SORCS3: variants seen among roughly 807,000 people sequenced by gnomAD.
The protein encoded by SORCS3 is sortilin related VPS10 domain containing receptor 3, also known as VPS10 domain-containing receptor SorCS3.
SORCS3 carries 57 observed loss-of-function variants against 146.3 expected under a neutral mutation model. The ratio of observed to expected loss-of-function variants is 0.39; its 90% CI spans 0.31 to 0.49. The LOEUF (loss-of-function observed/expected upper bound fraction) is 0.49, where lower values mean the gene tolerates loss of function less well. Ranked by LOEUF, SORCS3 falls within the 20% of genes least tolerant of loss-of-function variation. The pLI, the probability that SORCS3 is intolerant of heterozygous loss-of-function variation, is 0.92. For missense variants in SORCS3, 1,341 were observed against 1,575.5 expected, an observed-to-expected ratio of 0.85 and a Z score of 2.52; for synonymous variants, 653 against 618.5, an observed-to-expected ratio of 1.06 and a Z score of -0.83.
In SORCS3 at chr10:104,972,715, G is replaced by T. The variant is rs2054868200; in HGVS notation, c.796-4620G>T. ...CAGAAGACCACAAAAAATGTTCCCG[G>T]AACTTCCAACACTATGTTGAATAGG... On this transcript the variant is annotated intron_variant, in intron 3 of 26. Coordinates refer to ENST00000369701, the MANE Select transcript of SORCS3 (RefSeq NM_014978.3). 2.0e-5 allele frequency among the ~76,000 whole-genome samples: 3 copies of T among 152,150 alleles called. No homozygotes were observed. In the South Asian group the frequency reaches 6.2e-4, roughly 32 times the overall value.
At chr10:105,176,880 C>T (rs1324422389) in intron 13 of SORCS3, among the ~76,000 whole-genome samples, 2 of 151,020 alleles carry the variant, frequency 1.3e-5, no homozygotes. Flanking sequence ...AAAAACCCTT[C>T]ACAGTGTGGT....
At chr10:105,233,079 A>T (rs1314426776) in intron 20 of SORCS3, among the ~76,000 whole-genome samples, 1 of 151,538 alleles carries the variant, frequency 6.6e-6, no homozygotes, top group Non-Finnish European at 1.5e-5. Context: ...GTCCTTATTG[A>T]TTTTATTTCT....
chr10:104,788,348 G>A lies in SORCS3; in HGVS notation c.628-54444G>A, dbSNP rs12359726. ...ATAGAATGGAATACTATGCAGCTGT[G>A]AAGAGGAATGCAAAAGATTTATTTC... On this transcript the variant is annotated intron_variant, in intron 1 of 26. Coordinates refer to ENST00000369701, the MANE Select transcript of SORCS3 (RefSeq NM_014978.3). 9.6e-3 allele frequency among the ~76,000 whole-genome samples: 1,467 copies of A among 152,318 alleles called. 7 individuals are homozygous for A. The highest frequency in any genetic ancestry group is 0.02 in the South Asian group (94 of 4,818).
chr10:105,118,939 G>T (rs2055911849), intron 7 of SORCS3, among the ~76,000 whole-genome samples: 1 of 152,208 alleles, frequency 6.6e-6, no homozygotes, highest in Non-Finnish European at 1.5e-5. Context: ...AGAAATTCAA[G>T]CCAGCTGCAT....
intron 20 of SORCS3, among the ~76,000 whole-genome samples, chr10:105,234,067 T>G (rs2056779471): frequency 6.6e-6 from 1 of 152,188 alleles, no homozygotes. Flanking sequence ...ACAGATCTAC[T>G]GACAAGTTTC....
At chr10:105,143,378 C>G (rs1028551450) in intron 8 of SORCS3, among the ~76,000 whole-genome samples, 5 of 152,028 alleles carry the variant, frequency 3.3e-5, no homozygotes, top group African/African-American at 1.2e-4. Flanking sequence ...AGTGGTGACT[C>G]CTATATCTAC....
At chr10:105,232,972 G>A (rs2056773466) in intron 20 of SORCS3, among the ~76,000 whole-genome samples, 1 of 151,850 alleles carries the variant, frequency 6.6e-6, no homozygotes, top group Non-Finnish European at 1.5e-5. Context: ...GTTCTATTTG[G>A]GCTTTAGAAG....
chr10:105,079,818 T>TCTGTTGTTG (rs1165577045), intron 5 of SORCS3, among the ~76,000 whole-genome samples: 1 of 152,218 alleles, frequency 6.6e-6, no homozygotes, highest in African/African-American at 2.4e-5. Flanking sequence ...CATTTGTTTT[T>TCTGTTGTTG]CTGTTGTTGC....
intron 2 of SORCS3, among the ~76,000 whole-genome samples, chr10:104,871,229 A>G (rs1030137522): frequency 6.6e-5 from 10 of 152,220 alleles, no homozygotes; most frequent in African/African-American, 2.4e-4. Context: ...TTTTACAGAC[A>G]AAGAAACCAA....
intron 1 of SORCS3, among the ~76,000 whole-genome samples, chr10:104,832,637 GA>G (rs1325965813): frequency 3.3e-5 from 5 of 152,186 alleles, no homozygotes; most frequent in Non-Finnish European, 5.9e-5. Flanking sequence ...AGAATCGTTT[GA>G]ACCCAGGAGG....
chr10:104,764,516 A>G (rs1156551869), intron 1 of SORCS3, among the ~76,000 whole-genome samples: 4 of 152,232 alleles, frequency 2.6e-5, no homozygotes, highest in African/African-American at 7.2e-5. Flanking sequence ...AACCATTAAA[A>G]CTAATAAGAA....
chr10:105,030,365 G>T (rs968989672), intron 4 of SORCS3, among the ~76,000 whole-genome samples: 1 of 152,084 alleles, frequency 6.6e-6, no homozygotes, highest in Non-Finnish European at 1.5e-5. Context: ...GTCTCAGCTG[G>T]GATGTCTGGA....
intron 12 of SORCS3, among the ~76,000 whole-genome samples, 162 bp downstream of exon 12, chr10:105,164,541 A>G (rs2056296307): frequency 6.6e-6 from 1 of 152,164 alleles, no homozygotes; most frequent in Non-Finnish European, 1.5e-5. Context: ...TTAGAGGGGT[A>G]ATGGGGTATA....
intron 1 of SORCS3, among the ~76,000 whole-genome samples, chr10:104,714,027 A>T (rs2016449123): frequency 6.6e-6 from 1 of 152,170 alleles, no homozygotes; most frequent in Non-Finnish European, 1.5e-5. Flanking sequence ...TGAAGTATCA[A>T]ATTTGTAAGC....
intron 16 of SORCS3, among the ~76,000 whole-genome samples, chr10:105,210,441 C>T (rs1367098006): frequency 6.6e-6 from 1 of 152,152 alleles, no homozygotes; most frequent in African/African-American, 2.4e-5. Flanking sequence ...TTGACATTTA[C>T]ACACCCAGGA....
intron 6 of SORCS3, among the ~76,000 whole-genome samples, chr10:105,100,442 C>T (rs557625099): frequency 6.6e-6 from 1 of 152,168 alleles, no homozygotes; most frequent in African/African-American, 2.4e-5. Context: ...TAATCAAAGT[C>T]AATTCATTAA....
At chr10:104,954,865 T>TATTTTTTACTTAAC (rs2019470404) in intron 3 of SORCS3, among the ~76,000 whole-genome samples, 1 of 152,216 alleles carries the variant, frequency 6.6e-6, no homozygotes, top group Non-Finnish European at 1.5e-5. Flanking sequence ...TTGTACTTAC[T>TATTTTTTACTTAAC]GCTATTTTTT....
At chr10:105,206,175 TTA>T (rs920560395) in intron 16 of SORCS3, among the ~76,000 whole-genome samples, 5 of 152,186 alleles carry the variant, frequency 3.3e-5, no homozygotes, top group African/African-American at 1.2e-4. Flanking sequence ...AACAACATTG[TTA>T]TTTACAAAAT....
intron 14 of SORCS3, among the ~76,000 whole-genome samples, chr10:105,182,881 T>A (rs903825282): frequency 2.2e-4 from 33 of 151,998 alleles, no homozygotes; most frequent in Non-Finnish European, 1.8e-4. Context: ...TTTTGTATTT[T>A]TTATAGAGGT....
Sources: allele counts gnomAD v4.1 joint callset (sites outside exome capture counted in the v4.1 genomes callset), GRCh38; gene constraint gnomAD v4.1.1; transcripts MANE v1.5; gene names NCBI Gene and HGNC (gene_info 2026-07-23, HGNC 2026-07-21).